Variants in METTL2B observed in about 807,000 individuals in gnomAD.
METTL2B encodes the protein tRNA N(3)-cytidine methyltransferase METTL2B.
A neutral mutation model predicts 51.0 loss-of-function variants in METTL2B; 28 were observed. The ratio of observed to expected loss-of-function variants is 0.55; its 90% CI spans 0.41 to 0.75. The LOEUF (loss-of-function observed/expected upper bound fraction) is 0.75. Ranked by LOEUF, METTL2B falls within the 30% of genes least tolerant of loss-of-function variation. METTL2B has a pLI of 0.00. For missense variants in METTL2B, 313 were observed against 460.7 expected (o/e 0.68, Z 2.93); for synonymous variants, 128 against 166.3 (o/e 0.77, Z 1.77).
chr7:128,495,560 C>T (rs1399782820), intron 6 of METTL2B, among the ~76,000 whole-genome samples: 16 of 152,188 alleles, frequency 1.1e-4, no homozygotes, highest in Non-Finnish European at 2.2e-4. Flanking sequence ...AAGCGATTCT[C>T]CTGCCTCAGC....
chr7:128,481,221 G>A (rs1799869369), intron 4 of METTL2B, among the ~76,000 whole-genome samples: 1 of 152,220 alleles, frequency 6.6e-6, no homozygotes, highest in Admixed American at 6.5e-5. Flanking sequence ...GACACCAAAT[G>A]TGCAGGGTTT....
rs1291101702 is a variant in METTL2B, at chr7:128,479,303, C to A, written c.348C>A (p.Phe116Leu). ...SQNQNHLKDW[F>L]LENKSEVCEC... ...ATCAAAATCATTTGAAGGATTGGTT[C>A]TTGGAGAACAAGAGTGAAGTATGTG... The change falls in exon 3 of 9, where the codon TTC (phenylalanine) becomes TTA (leucine). Residue 116 changes from phenylalanine to leucine, a missense_variant. Physicochemically the swap from Phe to Leu is conservative, Grantham distance 22. Coordinates refer to ENST00000262432, the MANE Select transcript of METTL2B (RefSeq NM_018396.3). 1.2e-6 allele frequency: 2 copies of A among 1,614,186 alleles called. No homozygotes were observed. Among genetic ancestry groups the A allele is most frequent in the East Asian group, 2.2e-5 (1 of 44,884 alleles).
intron 6 of METTL2B, among the ~76,000 whole-genome samples, chr7:128,494,917 G>A (rs1792896758): frequency 6.6e-6 from 1 of 151,482 alleles, no homozygotes; most frequent in Non-Finnish European, 1.5e-5. Flanking sequence ...GAGCCACCAC[G>A]CTGGCCTTTT....
At chr7:128,492,959 T>TC (rs1295714799) in intron 5 of METTL2B, among the ~76,000 whole-genome samples, 3 of 152,148 alleles carry the variant, frequency 2.0e-5, no homozygotes, top group East Asian at 3.9e-4. Context: ...TTTTTTTTTT[T>TC]CCCTGTTGGT....
chr7:128,481,175 A>C (rs1799869021), intron 4 of METTL2B, among the ~76,000 whole-genome samples: 1 of 152,202 alleles, frequency 6.6e-6, no homozygotes, highest in Non-Finnish European at 1.5e-5. Context: ...TCTGATGAAA[A>C]CACACTGGTT....
chr7:128,504,757 GTCAGGAGTT>G lies in METTL2B; in HGVS notation c.*2842_*2850del. 1 of 149,136 alleles carries G rather than the reference GTCAGGAGTT, an allele frequency of 6.7e-6. No individual in the cohort carries two copies. The highest frequency in any genetic ancestry group is 2.5e-5 in the African/African-American group (1 of 40,814). 9.2% of individuals were successfully genotyped at this position (149,136 alleles called of 1,614,324 possible). ...GGCCGAGGTGGGCGGATCATTTGAG[GTCAGGAGTT>G]CGAGACCAGCCTGGCCAACTTAATG... On this transcript the variant is annotated 3_prime_UTR_variant, in exon 9 of 9. Coordinates refer to ENST00000262432, the MANE Select transcript of METTL2B (RefSeq NM_018396.3).
At chr7:128,485,491 G>A (rs1227911064) in intron 4 of METTL2B, among the ~76,000 whole-genome samples, 11 of 151,916 alleles carry the variant, frequency 7.2e-5, no homozygotes, top group African/African-American at 1.5e-4. Flanking sequence ...GTGAAACCCC[G>A]TCTCCACTCA....
rs1793068222 is a variant in METTL2B, at chr7:128,503,455, G to A, written c.*1539G>A. ...ATGCTTTTTTTTTTTTTTTTTAGGA[G>A]ACAGGGCTCTCACTTTGTTGCCCAG... On this transcript the variant is annotated 3_prime_UTR_variant, in exon 9 of 9. Transcript: ENST00000262432. 8.2e-6 allele frequency: 1 copy of A among 121,802 alleles called. No homozygotes were observed. Among genetic ancestry groups the A allele is most frequent in the Non-Finnish European group, 1.8e-5 (1 of 56,724 alleles). 7.5% of individuals were successfully genotyped at this position (121,802 alleles called of 1,614,324 possible). A position where few individuals can be genotyped will look rare whatever the true frequency, so the allele number is the denominator to read the frequency against.
chr7:128,488,236 C>T, intron 5 of METTL2B, 75 bp downstream of exon 5: 1 of 1,479,444 alleles, frequency 6.8e-7, no homozygotes, highest in Non-Finnish European at 9.4e-7. Context: ...AAATCAAGGT[C>T]TCTGGCTGTG....
Position 128,500,837 on chromosome 7 carries a change from T to G in METTL2B, c.917-66T>G, listed in dbSNP as rs1222292723. The G allele has an allele frequency of 1.9e-6, 3 of 1,594,036 alleles. No individual in the cohort carries two copies. The African/African-American group carries it at 4.0e-5, about 21-fold the overall frequency. On this transcript the variant is annotated intron_variant, in intron 7 of 8. Coordinates refer to ENST00000262432, the MANE Select transcript of METTL2B (RefSeq NM_018396.3). ...AACAAACTGGCCTCTCAGTTAACAT[T>G]CCTTAGCAGTGCAAGTCAAAGAGAC... is the stretch of plus-strand genomic sequence containing the variant.
At position 128,501,989 on chromosome 7, in the gene METTL2B, G is replaced by C; in HGVS notation, c.*73G>C. 6.3e-7 allele frequency: 1 copy of C among 1,590,860 alleles called. No individual in the cohort carries two copies. The highest frequency in any genetic ancestry group is 8.6e-7 in the Non-Finnish European group (1 of 1,165,730). On this transcript the variant is annotated 3_prime_UTR_variant, in exon 9 of 9. Coordinates refer to ENST00000262432, the MANE Select transcript of METTL2B (RefSeq NM_018396.3). ...TTTTTAAAAAAAAATTTGTAGCACC[G>C]GGCATGGTGCATGCCTGTAATCCCA... is the stretch of plus-strand genomic sequence containing the variant.
rs1563027693 is a variant in METTL2B, at chr7:128,484,232, T to TTTTTTTTTTTTTTTTTTTTTG, written c.608+3549_608+3550insTTTTTTTGTTTTTTTTTTTTT. On this transcript the variant is annotated intron_variant, in intron 4 of 8. Transcript: ENST00000262432. Reference sequence around the variant, plus strand: ...TGCCTAGATCCTTTTTTTTTTTTTTTTTTTTTTTTTTTTGAGACAGGATTT... The same window carrying TTTTTTTTTTTTTTTTTTTTTG: ...TGCCTAGATCCTTTTTTTTTTTTTTTTTTTTTTTTTTTTTTTTTTTGTTTTTTTTTTTTTGAGACAGGATTT... 3.6e-5 allele frequency: 3 copies of TTTTTTTTTTTTTTTTTTTTTG among 83,572 alleles called. 1 individual carries two copies. Among genetic ancestry groups the TTTTTTTTTTTTTTTTTTTTTG allele is most frequent in the Non-Finnish European group, 2.2e-5 (1 of 44,822 alleles). 5.2% of individuals were successfully genotyped at this position (83,572 alleles called of 1,614,324 possible).
At position 128,484,232 on chromosome 7, in the gene METTL2B, T is replaced by TTTTTTTTTTTTTTTTG. The variant is rs1563027693; in HGVS notation, c.608+3549_608+3550insTTGTTTTTTTTTTTTT. 54 of 83,558 alleles carry TTTTTTTTTTTTTTTTG rather than the reference T, an allele frequency of 6.5e-4. 1 individual carries two copies. Among genetic ancestry groups the TTTTTTTTTTTTTTTTG allele is most frequent in the African/African-American group, 2.6e-3 (53 of 20,094 alleles). 5.2% of individuals were successfully genotyped at this position (83,558 alleles called of 1,614,324 possible). ...TGCCTAGATCCTTTTTTTTTTTTTT[T>TTTTTTTTTTTTTTTTG]TTTTTTTTTTTTTGAGACAGGATTT... On this transcript the variant is annotated intron_variant, in intron 4 of 8. Coordinates refer to ENST00000262432, the MANE Select transcript of METTL2B (RefSeq NM_018396.3).
In METTL2B at chr7:128,502,543, G is replaced by A. The variant is rs143776775; in HGVS notation, c.*627G>A. 2,164 of 437,672 alleles carry A rather than the reference G, an allele frequency of 4.9e-3. 60 individuals are homozygous for A. The highest frequency in any genetic ancestry group is 0.049 in the Admixed American group (1,835 of 37,336). The allele number at this position is 437,672 out of a possible 1,614,324, so 27.1% of individuals were successfully genotyped here. The stretch of plus-strand genomic sequence containing the variant: ...GATATTTTCCTGACAAGAAAAAAAT[G>A]ACCCTGTAGACAGCATCAAAATGTG... On this transcript the variant is annotated 3_prime_UTR_variant, in exon 9 of 9. Transcript: ENST00000262432.
Position 128,501,899 on chromosome 7 carries a change from C to T in METTL2B, c.1120C>T (p.Leu374=). 1 of 1,614,160 alleles carries T rather than the reference C, an allele frequency of 6.2e-7. No homozygotes were observed. Residue 374 remains leucine (L), a synonymous_variant, in exon 9 of 9, where the codon CTG becomes TTG. Coordinates refer to ENST00000262432, the MANE Select transcript of METTL2B (RefSeq NM_018396.3). ...WIQCKYCKPL[L]SSTS ...TCAGTGCAAATACTGCAAGCCCCTT[C>T]TGTCCAGCACCAGCTAAGAGGCACC...
chr7:128,478,807 T>A (rs1277078380), intron 2 of METTL2B, among the ~76,000 whole-genome samples: 1 of 151,924 alleles, frequency 6.6e-6, no homozygotes, highest in Non-Finnish European at 1.5e-5. Flanking sequence ...GAGCTTGTGG[T>A]GAGCCAAGAT....
At chr7:128,495,432 T>C (rs2116862475) in intron 6 of METTL2B, among the ~76,000 whole-genome samples, 1 of 152,244 alleles carries the variant, frequency 6.6e-6, no homozygotes, top group South Asian at 2.1e-4. Flanking sequence ...CCAGTGGTCC[T>C]ATGAAACTAC....
At chr7:128,484,231 T>TTTTTTTTTG (rs1792652302) in intron 4 of METTL2B, 1 of 108,804 alleles carries the variant, frequency 9.2e-6, no homozygotes, top group Non-Finnish European at 1.9e-5. Flanking sequence ...TTTTTTTTTT[T>TTTTTTTTTG]TTTTTTTTTT....
intron 7 of METTL2B, among the ~76,000 whole-genome samples, chr7:128,498,854 G>A (rs748641928): frequency 6.6e-5 from 10 of 151,976 alleles, no homozygotes; most frequent in Non-Finnish European, 1.5e-4. Context: ...CAAATTAGCC[G>A]GGCATGGTGG....
Sources: allele counts gnomAD v4.1 joint callset (sites outside exome capture counted in the v4.1 genomes callset), GRCh38; gene constraint gnomAD v4.1.1; transcripts MANE v1.5; gene names NCBI Gene and HGNC (gene_info 2026-07-23, HGNC 2026-07-21).